Variants in TRPM6 observed in about 807,000 individuals in gnomAD.
TRPM6 encodes transient receptor potential cation channel subfamily M member 6, also known as channel kinase 2.
In TRPM6, 111 loss-of-function variants were observed where a neutral mutation model predicts 247.6. That is an observed-to-expected ratio of 0.45 (90% CI 0.38 to 0.52). The LOEUF (loss-of-function observed/expected upper bound fraction) is 0.52, where lower values mean the gene tolerates loss of function less well. Ranked by LOEUF, TRPM6 falls within the 20% of genes least tolerant of loss-of-function variation. The pLI, the probability that TRPM6 is intolerant of heterozygous loss-of-function variation, is 0.00. For missense variants in TRPM6, 2,126 were observed against 2,421.5 expected (o/e 0.88, Z 2.56); for synonymous variants, 892 against 853.8 (o/e 1.04, Z -0.78).
Position 74,748,246 on chromosome 9 carries a change from T to C in TRPM6, c.5058-332A>G, listed in dbSNP as rs193161512. Among the ~76,000 whole-genome samples, 4 of 152,352 alleles carry C rather than the reference T, an allele frequency of 2.6e-5. No homozygotes were observed. The East Asian group carries it at 7.7e-4, about 29-fold the overall frequency. On this transcript the variant is annotated intron_variant, in intron 30 of 38. Coordinates refer to ENST00000360774, the MANE Select transcript of TRPM6 (RefSeq NM_017662.5). ...TACTGTGCTGCCAGTCATATAAAAATATAGTACATACAACTATGTACAGCA... is the reference window on the plus strand; with the variant it reads ...TACTGTGCTGCCAGTCATATAAAAACATAGTACATACAACTATGTACAGCA...
Position 74,821,710 on chromosome 9 carries a change from A to G in TRPM6, c.969T>C (p.Ala323=). 6.2e-7 allele frequency: 1 copy of G among 1,614,186 alleles called. No individual in the cohort carries two copies. The highest frequency in any genetic ancestry group is 8.5e-7 in the Non-Finnish European group (1 of 1,180,032). ...GTTTGTGTGTGAAGGCCAGGAGGTC[A>G]GCCGCCCTACCTGTGCCCTCACACA... is the stretch of plus-strand genomic sequence containing the variant. ...VVVCEGTGRA[A]DLLAFTHKHL... The change falls in exon 8 of 39, where the codon GCT becomes GCC. Residue 323 remains alanine, a synonymous_variant. Coordinates refer to ENST00000360774, the MANE Select transcript of TRPM6 (RefSeq NM_017662.5).
intron 1 of TRPM6, among the ~76,000 whole-genome samples, chr9:74,874,254 A>C (rs115548562): frequency 0.019 from 2,893 of 152,092 alleles, 116 homozygotes; most frequent in African/African-American, 0.067. Flanking sequence ...AAAAAAAAAA[A>C]AAACAAGAAT....
chr9:74,770,242 T>A (rs1467972672), intron 25 of TRPM6, among the ~76,000 whole-genome samples: 1 of 152,152 alleles, frequency 6.6e-6, no homozygotes, highest in African/African-American at 2.4e-5. Flanking sequence ...AGTAAAGCCA[T>A]ATTTAAGGAT....
rs1472970231 is a variant in TRPM6 at position 74,762,338 on chromosome 9, T to C, written c.4333A>G (p.Ile1445Val). The C allele has an allele frequency of 3.1e-6, 5 of 1,614,240 alleles. No homozygotes were observed. Among genetic ancestry groups the C allele is most frequent in the Non-Finnish European group, 3.4e-6 (4 of 1,180,048 alleles). Reference sequence around the variant, plus strand: ...ACATATCCACCTCCAGTTTGCATGATCTTGGCTTGGGAAAGAGGGGAGCTC... The same window carrying C: ...ACATATCCACCTCCAGTTTGCATGACCTTGGCTTGGGAAAGAGGGGAGCTC... ...TMSSPLSQAKIMQTGGGYVNW... is the reference protein window; with the variant it reads ...TMSSPLSQAKVMQTGGGYVNW... Residue 1445 changes from isoleucine to valine, a missense_variant, in exon 26 of 39, where the codon ATC (isoleucine) becomes GTC (valine). Around this residue, in one of 3 missense-constraint regions of TRPM6, gnomAD observed 717 missense variants for 715.9 expected, o/e 1.00. Coordinates refer to ENST00000360774, the MANE Select transcript of TRPM6 (RefSeq NM_017662.5).
chr9:74,817,039 A>G, intron 9 of TRPM6, 75 bp from the exon 10 acceptor site: 1 of 1,255,470 alleles, frequency 8.0e-7, no homozygotes, highest in Non-Finnish European at 1.2e-6. Context: ...TACCCACAGA[A>G]TTCAGACTGG....
intron 5 of TRPM6, among the ~76,000 whole-genome samples, chr9:74,836,284 TTATTCTTCC>T (rs1166845288): frequency 2.0e-5 from 3 of 152,232 alleles, no homozygotes; most frequent in Admixed American, 6.5e-5. Flanking sequence ...ATTGTAAGAC[TTATTCTTCC>T]TATTCTTCCT....
At chr9:74,812,888 TTGAATGAA>T (rs34759347) in intron 11 of TRPM6, among the ~76,000 whole-genome samples, 2 of 152,154 alleles carry the variant, frequency 1.3e-5, no homozygotes, top group Non-Finnish European at 2.9e-5. Flanking sequence ...AGACCCTGTC[TTGAATGAA>T]TGAATGAATG....
At chr9:74,772,069 C>T (rs1827066249) in intron 24 of TRPM6, among the ~76,000 whole-genome samples, 1 of 152,168 alleles carries the variant, frequency 6.6e-6, no homozygotes. Context: ...AGGGGTGGAT[C>T]GCTTGAGCTC....
Position 74,762,909 on chromosome 9 carries a change from G to T in TRPM6, c.3762C>A (p.Ser1254Arg). 1 of 1,607,194 alleles carries T rather than the reference G, an allele frequency of 6.2e-7. No individual in the cohort carries two copies. The highest frequency in any genetic ancestry group is 8.5e-7 in the Non-Finnish European group (1 of 1,175,460). The change falls in exon 26 of 39, where the codon AGC becomes AGA. Residue 1254 changes from serine (S) to arginine (R), a missense_variant. By Grantham distance (110) the Ser-to-Arg change is moderately radical (BLOSUM62 -1). Transcript: ENST00000360774. ...STCKKLPHSW[S>R]NVICAEVLGS... is the part of the protein sequence containing the mutation. ...CTAGAACCTCTGCACAGATGACATT[G>T]CTCCAGCTGTGGGGAAGTTTTTTGC...
At chr9:74,810,436 A>G (rs2117888417) in intron 13 of TRPM6, among the ~76,000 whole-genome samples, 1 of 152,322 alleles carries the variant, frequency 6.6e-6, no homozygotes, top group Non-Finnish European at 1.5e-5. Flanking sequence ...AACAATGGAA[A>G]TCACATATTA....
intron 1 of TRPM6, among the ~76,000 whole-genome samples, chr9:74,867,439 T>C (rs1440817096): frequency 1.3e-5 from 2 of 152,202 alleles, no homozygotes; most frequent in Non-Finnish European, 2.9e-5. Context: ...ATTCCCCAGA[T>C]GGTCTCAGTT....
chr9:74,815,094 T>C (rs1039929484), intron 11 of TRPM6, among the ~76,000 whole-genome samples: 2 of 151,962 alleles, frequency 1.3e-5, no homozygotes, highest in African/African-American at 4.8e-5. Context: ...ATTCAAATAA[T>C]AGGAATTACA....
chr9:74,732,734 C>T lies in TRPM6; in HGVS notation c.5779G>A (p.Val1927Ile). ...GATGGATCTGTCAAATTTTCTCCAA[C>T]ACCTCAAAAGAAGAAACAAAATTCG... is the stretch of plus-strand genomic sequence containing the variant. ...GELLVLDLQG[V>I]GENLTDPSVI... is the part of the protein sequence containing the mutation. The change falls in exon 37 of 39, where the codon GTT becomes ATT. Residue 1927 changes from valine to isoleucine, a missense_variant and splice_region_variant. Physicochemically the swap from Val to Ile is conservative, Grantham distance 29. Transcript: ENST00000360774. 6.2e-7 allele frequency: 1 copy of T among 1,608,812 alleles called. No homozygotes were observed.
intron 7 of TRPM6, chr9:74,827,554 T>C: frequency 1.5e-6 from 1 of 655,858 alleles, no homozygotes; most frequent in Non-Finnish European, 2.8e-6. Flanking sequence ...GGGGGGATCA[T>C]GGAAGGATGA....
chr9:74,735,565 AAT>A (rs923712192), intron 36 of TRPM6, among the ~76,000 whole-genome samples: 1 of 152,230 alleles, frequency 6.6e-6, no homozygotes, highest in African/African-American at 2.4e-5. Flanking sequence ...TAAAAAAATT[AAT>A]ATCTCTAAAA....
At chr9:74,749,888 C>T (rs1826180441) in intron 30 of TRPM6, among the ~76,000 whole-genome samples, 1 of 152,156 alleles carries the variant, frequency 6.6e-6, no homozygotes, top group African/African-American at 2.4e-5. Context: ...GAGCTGACTG[C>T]AAACTGAAAG....
At chr9:74,786,466 G>A (rs552856450) in intron 20 of TRPM6, among the ~76,000 whole-genome samples, 11 of 152,304 alleles carry the variant, frequency 7.2e-5, no homozygotes, top group African/African-American at 9.6e-5. Context: ...CAGGCTGGGC[G>A]CGGTGGCTCA....
chr9:74,738,348 C>A, intron 36 of TRPM6, 59 bp downstream of exon 36: 2 of 1,588,622 alleles, frequency 1.3e-6, no homozygotes, highest in Middle Eastern at 2.1e-4. Flanking sequence ...CTGGTTCTTG[C>A]AAGATCTCTT....
chr9:74,778,194 G>A (rs1587494943), intron 23 of TRPM6, among the ~76,000 whole-genome samples: 1 of 152,240 alleles, frequency 6.6e-6, no homozygotes, highest in East Asian at 1.9e-4. Flanking sequence ...CCCCCACCAG[G>A]GGCTTTTCAG....
Sources: gnomAD v4.1 joint callset for allele counts (sites outside exome capture counted in the v4.1 genomes callset) on GRCh38, gnomAD v4.1.1 for gene constraint, gnomAD v4.1.1 regional missense constraint, MANE v1.5 for transcripts, NCBI Gene and HGNC (gene_info 2026-07-23, HGNC 2026-07-21) for gene names.